Variants in DAB1 observed in about 807,000 individuals in gnomAD.
DAB1 encodes disabled homolog 1.
DAB1 carries 15 observed loss-of-function variants against 64.6 expected under a neutral mutation model. The ratio of observed to expected loss-of-function variants is 0.23; its 90% CI spans 0.16 to 0.36. The LOEUF is 0.36. Among genes scored for constraint, DAB1 ranks in the 10% least tolerant of loss-of-function variants. The pLI is 1.00. For missense variants in DAB1, 596 were observed against 706.7 expected, an observed-to-expected ratio of 0.84 and a Z score of 1.78; for synonymous variants, 235 against 251.9, an observed-to-expected ratio of 0.93 and a Z score of 0.64.
intron 5 of DAB1, among the ~76,000 whole-genome samples, chr1:57,951,978 C>T (rs1645288742): frequency 6.6e-6 from 1 of 152,108 alleles, no homozygotes; most frequent in African/African-American, 2.4e-5. Context: ...GGAAGTCATT[C>T]CGCTTATACA....
chr1:58,294,347 C>G (rs1488600307), intron 4 of DAB1, among the ~76,000 whole-genome samples: 1 of 152,106 alleles, frequency 6.6e-6, no homozygotes, highest in Non-Finnish European at 1.5e-5. Flanking sequence ...TCTTCAGTAG[C>G]AAGTCGCTGA....
intron 2 of DAB1, among the ~76,000 whole-genome samples, chr1:57,173,856 C>A (rs1020231227): frequency 4.0e-5 from 6 of 151,726 alleles, no homozygotes; most frequent in African/African-American, 1.5e-4. Context: ...TCATTCCTTG[C>A]AGGGGGCTAT....
intron 7 of DAB1, among the ~76,000 whole-genome samples, chr1:57,469,340 T>C (rs1023906419): frequency 2.0e-5 from 3 of 152,188 alleles, no homozygotes; most frequent in Admixed American, 6.5e-5. Flanking sequence ...GACTGAGACT[T>C]CATGGCTGGC....
intron 4 of DAB1, among the ~76,000 whole-genome samples, chr1:58,231,251 T>TA (rs1188247932): frequency 6.6e-6 from 1 of 152,182 alleles, no homozygotes; most frequent in Non-Finnish European, 1.5e-5. Context: ...AAATGAAACT[T>TA]AGAGCTCTTT....
intron 1 of DAB1, among the ~76,000 whole-genome samples, chr1:57,402,655 A>G (rs999582593): frequency 6.6e-6 from 1 of 152,182 alleles, no homozygotes; most frequent in Admixed American, 6.5e-5. Context: ...ATTCATAAAG[A>G]AAAATAATCA....
intron 3 of DAB1, among the ~76,000 whole-genome samples, chr1:58,500,906 A>C (rs981682255): frequency 6.6e-6 from 1 of 152,206 alleles, no homozygotes; most frequent in Non-Finnish European, 1.5e-5. Flanking sequence ...TCTTCATAGA[A>C]AAAAGTTAAA....
chr1:58,347,973 G>T (rs961278009), intron 3 of DAB1, among the ~76,000 whole-genome samples: 1 of 152,086 alleles, frequency 6.6e-6, no homozygotes, highest in African/African-American at 2.4e-5. Context: ...ATCCTCCAAG[G>T]GTCCAGCTCT....
chr1:58,117,833 T>A (rs138584529), intron 5 of DAB1, among the ~76,000 whole-genome samples: 1 of 136,902 alleles, frequency 7.3e-6, no homozygotes, highest in Non-Finnish European at 1.5e-5. Flanking sequence ...AGACCAGATA[T>A]CATGCTTTGT....
intron 6 of DAB1, among the ~76,000 whole-genome samples, chr1:57,702,477 T>C (rs1250339740): frequency 6.6e-6 from 1 of 152,190 alleles, no homozygotes; most frequent in Non-Finnish European, 1.5e-5. Flanking sequence ...TTGTAAAATG[T>C]ATTCAAATTC....
rs773103987 is a variant in DAB1 at position 57,978,505 on chromosome 1, G to A, written n.388-94343C>T. 5.3e-5 allele frequency among the ~76,000 whole-genome samples: 8 copies of A among 152,188 alleles called. No individual in the cohort carries two copies. The East Asian group carries it at 7.7e-4, about 15-fold the overall frequency. ...CAATACCATTGAGGACACAGGCACCGGAAAAGACTTCATGTCTAGAACACC... is the reference window on the plus strand; with the variant it reads ...CAATACCATTGAGGACACAGGCACCAGAAAAGACTTCATGTCTAGAACACC... On this transcript the variant is annotated intron_variant and non_coding_transcript_variant, in intron 5 of 20. Transcript: ENST00000485760.
chr1:57,233,252 A>ATTATTT (rs1667824189), intron 2 of DAB1, among the ~76,000 whole-genome samples: 1 of 56,904 alleles, frequency 1.8e-5, no homozygotes, highest in East Asian at 7.6e-4. Flanking sequence ...CTTTGCTCCG[A>ATTATTT]TTCTTTTTTT....
intron 1 of DAB1, among the ~76,000 whole-genome samples, chr1:57,312,387 A>C (rs1239039699): frequency 6.6e-6 from 1 of 151,526 alleles, no homozygotes; most frequent in East Asian, 1.9e-4. Context: ...TCACTCAAAA[A>C]ATAAAATCCA....
rs75029615 is a variant in DAB1, at chr1:58,047,044, C to G, written n.387+103467G>C. 6.0e-3 allele frequency among the ~76,000 whole-genome samples: 918 copies of G among 152,296 alleles called. 11 individuals carry two copies. The highest frequency in any genetic ancestry group is 0.021 in the African/African-American group (876 of 41,562). ...ACAAGCTCCAAGATCCCTCCAAATT[C>G]TTACCATGACATGATATTTGTATAA... On this transcript the variant is annotated intron_variant and non_coding_transcript_variant, in intron 5 of 20. Transcript: ENST00000485760.
rs370320954 is a variant in DAB1, at chr1:57,346,253, A to T, written c.-136-55087T>A. On this transcript the variant is annotated intron_variant, in intron 1 of 14. Transcript: ENST00000371236. Reference sequence around the variant, plus strand: ...AGGAGGAGTGAGAAGACGGAGGAGGATCCTACATGGTAGTTAATATTTCAG... The same window carrying T: ...AGGAGGAGTGAGAAGACGGAGGAGGTTCCTACATGGTAGTTAATATTTCAG... Among the ~76,000 whole-genome samples the T allele has an allele frequency of 5.9e-5, 9 of 152,308 alleles. No individual in the cohort carries two copies. The East Asian group carries it at 1.4e-3, about 23-fold the overall frequency.
intron 7 of DAB1, among the ~76,000 whole-genome samples, chr1:57,429,577 A>AGGAG (rs1254223076): frequency 2.0e-5 from 3 of 152,180 alleles, no homozygotes; most frequent in Non-Finnish European, 4.4e-5. Context: ...ACCAATGCCA[A>AGGAG]GGAGCTTTTC....
chr1:58,328,608 G>A (rs182305602), intron 4 of DAB1, among the ~76,000 whole-genome samples: 75 of 152,132 alleles, frequency 4.9e-4, no homozygotes, highest in Non-Finnish European at 1.9e-4. Flanking sequence ...CTCAATTTCT[G>A]GCCTTTGTTT....
chr1:58,435,289 A>G (rs1644929179), intron 3 of DAB1, among the ~76,000 whole-genome samples: 1 of 152,010 alleles, frequency 6.6e-6, no homozygotes, highest in Admixed American at 6.5e-5. Context: ...CTCTGTCTCT[A>G]TGACTGGCTT....
At chr1:57,764,507 A>G (rs1189846767) in intron 6 of DAB1, among the ~76,000 whole-genome samples, 1 of 152,186 alleles carries the variant, frequency 6.6e-6, no homozygotes, top group African/African-American at 2.4e-5. Flanking sequence ...TGATGAATAT[A>G]GGAACACTGG....
chr1:58,227,685 C>G (rs1659563444), intron 4 of DAB1, among the ~76,000 whole-genome samples: 1 of 152,126 alleles, frequency 6.6e-6, no homozygotes, highest in South Asian at 2.1e-4. Flanking sequence ...CATAAGGCCT[C>G]CAGGAAGGCA....
Sources: gnomAD v4.1 joint callset for allele counts (sites outside exome capture counted in the v4.1 genomes callset) on GRCh38, gnomAD v4.1.1 for gene constraint, MANE v1.5 for transcripts, NCBI Gene and HGNC (gene_info 2026-07-23, HGNC 2026-07-21) for gene names.